HS6ST3: variants seen among roughly 807,000 people sequenced by gnomAD.
The protein encoded by HS6ST3 is heparan sulfate 6-O-sulfotransferase 3.
In HS6ST3, 12 loss-of-function variants were observed where a neutral mutation model predicts 36.7. The ratio of observed to expected loss-of-function variants is 0.33; its 90% CI spans 0.21 to 0.53. HS6ST3 has a LOEUF of 0.53. Ranked by LOEUF, HS6ST3 falls within the 20% of genes least tolerant of loss-of-function variation. The pLI, the probability that HS6ST3 is intolerant of heterozygous loss-of-function variation, is 0.95. For synonymous variants in HS6ST3, 240 were observed against 257.5 expected (o/e 0.93, Z 0.65); for missense variants, 584 against 640.9 (o/e 0.91, Z 0.96).
At chr13:96,181,743 T>C (rs1457610237) in intron 1 of HS6ST3, among the ~76,000 whole-genome samples, 1 of 152,194 alleles carries the variant, frequency 6.6e-6, no homozygotes, top group Non-Finnish European at 1.5e-5. Context: ...TCTTTTAGAT[T>C]GAGCGTATTT....
At chr13:96,695,821 C>A (rs1221085240) in intron 1 of HS6ST3, among the ~76,000 whole-genome samples, 1 of 151,856 alleles carries the variant, frequency 6.6e-6, no homozygotes, top group Non-Finnish European at 1.5e-5. Flanking sequence ...GATGTTCAAC[C>A]CAACATTAAC....
chr13:96,426,431 AG>A (rs994339763), intron 1 of HS6ST3, among the ~76,000 whole-genome samples: 18 of 152,206 alleles, frequency 1.2e-4, no homozygotes, highest in Admixed American at 4.6e-4. Context: ...CTCTCATTGC[AG>A]CTTTCTTGAT....
At chr13:96,551,970 C>T (rs547710910) in intron 1 of HS6ST3, among the ~76,000 whole-genome samples, 1 of 152,136 alleles carries the variant, frequency 6.6e-6, no homozygotes, top group African/African-American at 2.4e-5. Flanking sequence ...AACTGTAAAC[C>T]TGCCAACTTT....
At chr13:96,816,508 G>A (rs370002495) in intron 1 of HS6ST3, among the ~76,000 whole-genome samples, 1 of 152,200 alleles carries the variant, frequency 6.6e-6, no homozygotes, top group Admixed American at 6.5e-5. Context: ...CTGAGCCAGG[G>A]ATTTGTTTAA....
At chr13:96,778,281 A>G (rs1191415988) in intron 1 of HS6ST3, among the ~76,000 whole-genome samples, 2 of 152,256 alleles carry the variant, frequency 1.3e-5, no homozygotes, top group African/African-American at 4.8e-5. Flanking sequence ...CTTCATGATT[A>G]AAACACCAAA....
intron 1 of HS6ST3, among the ~76,000 whole-genome samples, chr13:96,415,323 G>T (rs1272560991): frequency 1.3e-5 from 2 of 152,192 alleles, no homozygotes. Flanking sequence ...TCCATGAGAA[G>T]CCCCAAGTCG....
At chr13:96,488,441 A>G (rs1165499787) in intron 1 of HS6ST3, among the ~76,000 whole-genome samples, 2 of 152,138 alleles carry the variant, frequency 1.3e-5, no homozygotes, top group Non-Finnish European at 2.9e-5. Context: ...TGTATTATAT[A>G]TCAAGGCATT....
At position 96,410,970 on chromosome 13, in the gene HS6ST3, A is replaced by G. The variant is rs1022577068; in HGVS notation, c.707+319401A>G. Among the ~76,000 whole-genome samples the G allele has an allele frequency of 5.3e-5, 8 of 152,210 alleles. No individual in the cohort carries two copies. The East Asian group carries it at 1.2e-3, about 22-fold the overall frequency. ...AAATTATATGTTAACCCTGGAGCTC[A>G]TAGCCAGGAATGAGGATGGTAAATT... On this transcript the variant is annotated intron_variant, in intron 1 of 1. Coordinates refer to ENST00000376705, the MANE Select transcript of HS6ST3 (RefSeq NM_153456.4).
intron 1 of HS6ST3, among the ~76,000 whole-genome samples, chr13:96,149,857 A>G (rs1014068828): frequency 7.9e-5 from 12 of 152,342 alleles, no homozygotes; most frequent in East Asian, 5.8e-4. Context: ...TTTTCTTAAG[A>G]TATCTGAGAA....
chr13:96,796,558 GA>G (rs1259200395), intron 1 of HS6ST3, among the ~76,000 whole-genome samples: 1 of 152,062 alleles, frequency 6.6e-6, no homozygotes, highest in African/African-American at 2.4e-5. Flanking sequence ...TTAATACAGT[GA>G]AAAGACATGG....
At chr13:96,151,745 C>T (rs148374713) in intron 1 of HS6ST3, among the ~76,000 whole-genome samples, 1 of 152,272 alleles carries the variant, frequency 6.6e-6, no homozygotes, top group East Asian at 1.9e-4. Context: ...CCTCTTGTAG[C>T]TGCTGGTGTT....
At chr13:96,643,444 C>T (rs776316904) in intron 1 of HS6ST3, among the ~76,000 whole-genome samples, 6 of 151,986 alleles carry the variant, frequency 3.9e-5, no homozygotes, top group Admixed American at 2.6e-4. Context: ...TTCTCAAAGA[C>T]TCCTGTGGAC....
intron 1 of HS6ST3, among the ~76,000 whole-genome samples, chr13:96,247,971 C>T (rs1012620534): frequency 3.9e-5 from 6 of 152,056 alleles, no homozygotes; most frequent in Admixed American, 3.3e-4. Context: ...ACAGTAATCC[C>T]TTAGACACAG....
At chr13:96,446,427 G>A (rs1194934341) in intron 1 of HS6ST3, among the ~76,000 whole-genome samples, 2 of 152,024 alleles carry the variant, frequency 1.3e-5, no homozygotes, top group Admixed American at 1.3e-4. Context: ...TGCTCTTAAC[G>A]AAGAAAGAAC....
chr13:96,579,724 C>T (rs2056334861), intron 1 of HS6ST3, among the ~76,000 whole-genome samples: 1 of 152,106 alleles, frequency 6.6e-6, no homozygotes, highest in Non-Finnish European at 1.5e-5. Context: ...ACCCAGGAAG[C>T]CTAAGTTCTA....
At chr13:96,551,844 T>C (rs2056220697) in intron 1 of HS6ST3, among the ~76,000 whole-genome samples, 1 of 152,214 alleles carries the variant, frequency 6.6e-6, no homozygotes, top group South Asian at 2.1e-4. Context: ...TTAGCTCAGC[T>C]CTATGCCAGC....
At chr13:96,498,373 C>T (rs1009878982) in intron 1 of HS6ST3, among the ~76,000 whole-genome samples, 2 of 152,112 alleles carry the variant, frequency 1.3e-5, no homozygotes, top group African/African-American at 2.4e-5. Flanking sequence ...GAGGCTTCTT[C>T]TTCCATAAAG....
At chr13:96,776,376 C>A (rs532756610) in intron 1 of HS6ST3, among the ~76,000 whole-genome samples, 2 of 152,158 alleles carry the variant, frequency 1.3e-5, no homozygotes, top group Admixed American at 1.3e-4. Flanking sequence ...CATGAAAAAA[C>A]CTTCCAAAAA....
At chr13:96,492,378 G>A (rs186617532) in intron 1 of HS6ST3, among the ~76,000 whole-genome samples, 1 of 152,280 alleles carries the variant, frequency 6.6e-6, no homozygotes. Context: ...TTTTTTTAGG[G>A]ATTAGCTGTA....
Sources: gnomAD v4.1 joint callset for allele counts (sites outside exome capture counted in the v4.1 genomes callset) on GRCh38, gnomAD v4.1.1 for gene constraint, MANE v1.5 for transcripts, NCBI Gene and HGNC (gene_info 2026-07-23, HGNC 2026-07-21) for gene names.